Variants in SLC4A4 observed in about 807,000 individuals in gnomAD.
The protein encoded by SLC4A4 is solute carrier family 4 member 4.
In SLC4A4, 27 loss-of-function variants were observed where a neutral mutation model predicts 111.5. The observed-to-expected ratio is 0.24, with a 90% CI of 0.18 to 0.33. The LOEUF is 0.33. Ranked by LOEUF, SLC4A4 falls within the 10% of genes least tolerant of loss-of-function variation. The pLI is 1.00. For missense variants in SLC4A4, 909 were observed against 1,315.5 expected, an observed-to-expected ratio of 0.69 and a Z score of 4.78; for synonymous variants, 443 against 463.4, an observed-to-expected ratio of 0.96 and a Z score of 0.57.
chr4:71,300,332 C>A, intron 3 of SLC4A4: 1 of 223,146 alleles, frequency 4.5e-6, no homozygotes, highest in Non-Finnish European at 9.4e-6. Context: ...TGGCTGTGAG[C>A]TGCAGCCACA....
At chr4:71,538,642 A>G (rs1300232612) in intron 18 of SLC4A4, among the ~76,000 whole-genome samples, 1 of 152,072 alleles carries the variant, frequency 6.6e-6, no homozygotes, top group South Asian at 2.1e-4. Context: ...ACTGAGAGAG[A>G]TAGAAGCATT....
intron 5 of SLC4A4, among the ~76,000 whole-genome samples, chr4:71,354,155 G>A (rs1487631377): frequency 3.3e-5 from 5 of 152,040 alleles, no homozygotes; most frequent in Non-Finnish European, 5.9e-5. Flanking sequence ...GTATGAAGCC[G>A]AGTCTATGGG....
rs562742503 is a variant in SLC4A4, at chr4:71,204,727, A to C, written c.-2+17326A>C. Among the ~76,000 whole-genome samples, 35 of 152,320 alleles carry C rather than the reference A, an allele frequency of 2.3e-4. 1 individual carries two copies. Among genetic ancestry groups the C allele is most frequent in the Admixed American group, 7.8e-4 (12 of 15,294 alleles). ...CAAAAACAACTTTAATATATTAAAG[A>C]AATGAATCATTTTAAACAATAGTTT... On this transcript the variant is annotated intron_variant, in intron 1 of 25. Transcript: ENST00000264485.
chr4:71,101,464 T>C (rs895008472), intron 2 of SLC4A4, among the ~76,000 whole-genome samples: 4 of 152,244 alleles, frequency 2.6e-5, no homozygotes, highest in Non-Finnish European at 5.9e-5. Flanking sequence ...TGTGTAATAA[T>C]TACCACCATT....
chr4:71,124,281 C>T (rs1220619929), intron 2 of SLC4A4, among the ~76,000 whole-genome samples: 3 of 151,750 alleles, frequency 2.0e-5, no homozygotes, highest in Non-Finnish European at 4.4e-5. Context: ...AAGCGATTCT[C>T]CTGCCTCAGC....
intron 2 of SLC4A4, among the ~76,000 whole-genome samples, chr4:71,139,864 C>T (rs1010031871): frequency 7.9e-5 from 12 of 152,144 alleles, no homozygotes; most frequent in African/African-American, 2.4e-4. Flanking sequence ...TTCAAATTCT[C>T]TCTTCTAGCT....
At chr4:71,191,058 T>C (rs1243302923) in intron 1 of SLC4A4, among the ~76,000 whole-genome samples, 1 of 152,232 alleles carries the variant, frequency 6.6e-6, no homozygotes, top group East Asian at 1.9e-4. Flanking sequence ...AATAGTTTAT[T>C]TGTAAAATAG....
At chr4:71,223,366 G>A (rs939448756) in intron 1 of SLC4A4, among the ~76,000 whole-genome samples, 1 of 151,686 alleles carries the variant, frequency 6.6e-6, no homozygotes, top group African/African-American at 2.4e-5. Flanking sequence ...TAGCAGAGAC[G>A]GGTTTTCACC....
chr4:71,124,113 A>C (rs1293909829), intron 2 of SLC4A4, among the ~76,000 whole-genome samples: 1 of 151,644 alleles, frequency 6.6e-6, no homozygotes, highest in Non-Finnish European at 1.5e-5. Context: ...ACAGTCTGAG[A>C]ATTTGGTATA....
At chr4:71,162,597 G>A (rs931980152) in intron 2 of SLC4A4, among the ~76,000 whole-genome samples, 7 of 152,150 alleles carry the variant, frequency 4.6e-5, no homozygotes, top group Non-Finnish European at 8.8e-5. Flanking sequence ...AGAGAGGGGT[G>A]TGAACCACTA....
intron 16 of SLC4A4, among the ~76,000 whole-genome samples, chr4:71,505,768 GC>G (rs1213147112): frequency 6.6e-6 from 1 of 152,062 alleles, no homozygotes. Flanking sequence ...CTTTGCCCAT[GC>G]CTGTGTCCTG....
chr4:71,255,606 T>C (rs879746400), intron 3 of SLC4A4, among the ~76,000 whole-genome samples: 8 of 152,122 alleles, frequency 5.3e-5, no homozygotes, highest in Non-Finnish European at 1.2e-4. Context: ...TCTGAGTTGA[T>C]CAGAAAAGGC....
intron 2 of SLC4A4, among the ~76,000 whole-genome samples, chr4:71,113,244 T>C (rs1743144599): frequency 6.6e-6 from 1 of 152,200 alleles, no homozygotes; most frequent in South Asian, 2.1e-4. Context: ...GGTTAAAGTC[T>C]CTCTTGCTCA....
At chr4:71,545,304 G>A (rs754306299) in intron 18 of SLC4A4, among the ~76,000 whole-genome samples, 10 of 151,998 alleles carry the variant, frequency 6.6e-5, no homozygotes, top group Middle Eastern at 3.4e-3. Flanking sequence ...GTGTTGTGAC[G>A]AACTGTAACA....
chr4:71,124,091 A>G (rs7694673), intron 2 of SLC4A4, among the ~76,000 whole-genome samples: 149,856 of 152,060 alleles, frequency 0.99, 73,887 homozygotes, highest in East Asian at 1. Flanking sequence ...TACCTTCCCA[A>G]GGGACACACA....
At chr4:71,552,592 A>G (rs1736106469) in intron 20 of SLC4A4, among the ~76,000 whole-genome samples, 1 of 151,936 alleles carries the variant, frequency 6.6e-6, no homozygotes, top group Non-Finnish European at 1.5e-5. Context: ...ATTTGGTGAC[A>G]TGGTCTGAGT....
chr4:71,223,299 C>T (rs1039447827), intron 1 of SLC4A4, among the ~76,000 whole-genome samples: 5 of 151,976 alleles, frequency 3.3e-5, no homozygotes, highest in Non-Finnish European at 7.4e-5. Context: ...CCTCAGCCTC[C>T]CGGGTAGCTG....
chr4:71,562,333 C>T (rs1467069872), intron 23 of SLC4A4, among the ~76,000 whole-genome samples: 2 of 151,736 alleles, frequency 1.3e-5, no homozygotes, highest in Non-Finnish European at 2.9e-5. Context: ...AGGGGCTCCA[C>T]ATTACAAATG....
intron 1 of SLC4A4, among the ~76,000 whole-genome samples, chr4:71,196,628 C>T (rs1039826619): frequency 6.6e-6 from 1 of 151,502 alleles, no homozygotes; most frequent in South Asian, 2.1e-4. Context: ...ATGGTCCTCA[C>T]GGTGGCCAGA....
Sources: allele counts gnomAD v4.1 joint callset (sites outside exome capture counted in the v4.1 genomes callset), GRCh38; gene constraint gnomAD v4.1.1; transcripts MANE v1.5; gene names NCBI Gene and HGNC (gene_info 2026-07-23, HGNC 2026-07-21).